The following VPS13B variants were observed in gnomAD, a reference collection of about 807,000 sequenced individuals.
The protein encoded by VPS13B is intermembrane lipid transfer protein VPS13B.
Under a neutral mutation model 426.4 loss-of-function variants are expected in VPS13B, and 285 were observed. That is an observed-to-expected ratio of 0.67 (90% CI 0.61 to 0.74). VPS13B has a LOEUF of 0.74. Ranked by LOEUF, VPS13B falls within the 30% of genes least tolerant of loss-of-function variation. The probability of loss-of-function intolerance (pLI) is 0.00; values close to 1 mark genes in which losing one functional copy is unlikely to be tolerated. For synonymous variants in VPS13B, 1,676 were observed against 1,676.4 expected (o/e 1.00, Z 0.01); for missense variants, 4,537 against 4,782.6 (o/e 0.95, Z 1.51).
chr8:99,597,596 G>A (rs1827082574), intron 33 of VPS13B, among the ~76,000 whole-genome samples: 1 of 151,850 alleles, frequency 6.6e-6, no homozygotes, highest in African/African-American at 2.4e-5. Context: ...CTCCTCCTTG[G>A]AATAACAGTG....
At chr8:99,323,850 T>A (rs1810108934) in intron 19 of VPS13B, among the ~76,000 whole-genome samples, 2 of 152,136 alleles carry the variant, frequency 1.3e-5, no homozygotes, top group Admixed American at 1.3e-4. Flanking sequence ...CTTTATAGAG[T>A]TAGTGATTTA....
chr8:99,053,070 G>A (rs1162140280), intron 3 of VPS13B, among the ~76,000 whole-genome samples: 3 of 151,554 alleles, frequency 2.0e-5, no homozygotes, highest in Non-Finnish European at 2.9e-5. Context: ...CTTGCCTTCT[G>A]CTAGCTTTTG....
intron 39 of VPS13B, among the ~76,000 whole-genome samples, chr8:99,726,646 G>A (rs539192438): frequency 1.0e-3 from 155 of 152,280 alleles, no homozygotes; most frequent in African/African-American, 3.6e-3. Context: ...AGAATACAAT[G>A]ATAAGGGAAC....
chr8:99,429,442 T>C (rs1180755742), intron 21 of VPS13B: 1 of 152,196 alleles, frequency 6.6e-6, no homozygotes, highest in Non-Finnish European at 1.5e-5. Context: ...TATTCTTATC[T>C]TGTCTATTTT....
intron 8 of VPS13B, among the ~76,000 whole-genome samples, chr8:99,123,604 T>C (rs1385637270): frequency 6.6e-6 from 1 of 151,900 alleles, no homozygotes; most frequent in African/African-American, 2.4e-5. Flanking sequence ...GGAAAAGAAA[T>C]AGATAGGAAT....
chr8:99,609,648 A>C (rs1467633219), intron 33 of VPS13B, among the ~76,000 whole-genome samples: 7 of 152,184 alleles, frequency 4.6e-5, no homozygotes, highest in Non-Finnish European at 1.0e-4. Flanking sequence ...ATGCAGCAAA[A>C]ATGTCTTATG....
At chr8:99,322,943 C>T (rs960806885) in intron 19 of VPS13B, among the ~76,000 whole-genome samples, 2 of 152,106 alleles carry the variant, frequency 1.3e-5, no homozygotes, top group African/African-American at 4.8e-5. Flanking sequence ...TAATTTTTAC[C>T]AGAAAAGTAT....
chr8:99,572,355 C>T (rs1402003895), intron 31 of VPS13B, among the ~76,000 whole-genome samples: 1 of 152,098 alleles, frequency 6.6e-6, no homozygotes, highest in Non-Finnish European at 1.5e-5. Context: ...TAGATGTGCA[C>T]AACGTGCAGG....
chr8:99,302,621 T>C (rs1350154624), intron 19 of VPS13B, among the ~76,000 whole-genome samples: 1 of 152,074 alleles, frequency 6.6e-6, no homozygotes, highest in Non-Finnish European at 1.5e-5. Flanking sequence ...GCAATTCTCC[T>C]GCCTCAGCCT....
intron 3 of VPS13B, among the ~76,000 whole-genome samples, chr8:99,089,457 A>G (rs897765071): frequency 6.6e-6 from 1 of 152,178 alleles, no homozygotes; most frequent in African/African-American, 2.4e-5. Context: ...TGTGCATTTT[A>G]TGGAGACATA....
intron 19 of VPS13B, among the ~76,000 whole-genome samples, chr8:99,295,057 A>G (rs1329600458): frequency 6.6e-6 from 1 of 152,212 alleles, no homozygotes; most frequent in Non-Finnish European, 1.5e-5. Flanking sequence ...TTGATCATAT[A>G]TGTAGATGCA....
chr8:99,668,978 C>A (rs1488690419), intron 35 of VPS13B, among the ~76,000 whole-genome samples: 1 of 152,126 alleles, frequency 6.6e-6, no homozygotes, highest in Non-Finnish European at 1.5e-5. Flanking sequence ...CCATTCCCAA[C>A]CAAGGAAAAT....
intron 19 of VPS13B, among the ~76,000 whole-genome samples, chr8:99,309,900 C>T (rs1228395156): frequency 6.6e-6 from 1 of 152,122 alleles, no homozygotes; most frequent in South Asian, 2.1e-4. Context: ...TCCTTCACAT[C>T]CGTTGTAAGA....
chr8:99,473,512 T>G (rs1819523587), intron 24 of VPS13B, among the ~76,000 whole-genome samples: 1 of 152,064 alleles, frequency 6.6e-6, no homozygotes, highest in African/African-American at 2.4e-5. Flanking sequence ...GGAGGTAACA[T>G]TCTCAAACTG....
intron 2 of VPS13B, among the ~76,000 whole-genome samples, chr8:99,035,628 G>A (rs1716119279): frequency 6.6e-6 from 1 of 152,032 alleles, no homozygotes; most frequent in South Asian, 2.1e-4. Context: ...ATGCTGCTTT[G>A]AACATGGGTG....
chr8:99,853,638 C>A lies in VPS13B; in HGVS notation c.10249C>A (p.Leu3417Ile). ...GEEPVAALFELYCVEICCGDL... is the reference protein window; with the variant it reads ...GEEPVAALFEIYCVEICCGDL... ...AGAGCCTGTGGCTGCGTTGTTTGAA[C>A]TTTACTGTGTGGAGATCTGCTGTGG... is the stretch of plus-strand genomic sequence containing the variant. Residue 3417 changes from leucine to isoleucine, a missense_variant, in exon 56 of 62, where the codon CTT becomes ATT. By Grantham distance (5) the Leu-to-Ile change is conservative. Transcript: ENST00000357162. 1 of 1,614,164 alleles carries A rather than the reference C, an allele frequency of 6.2e-7. No individual in the cohort carries two copies. The highest frequency in any genetic ancestry group is 1.1e-5 in the South Asian group (1 of 91,082).
chr8:99,417,685 A>G (rs988729653), intron 21 of VPS13B, among the ~76,000 whole-genome samples: 1 of 152,136 alleles, frequency 6.6e-6, no homozygotes, highest in African/African-American at 2.4e-5. Context: ...TTACTTTGCT[A>G]TTTATAACAA....
chr8:99,761,899 CAT>C (rs1488839401), intron 39 of VPS13B, among the ~76,000 whole-genome samples: 4 of 152,082 alleles, frequency 2.6e-5, no homozygotes, highest in Non-Finnish European at 4.4e-5. Flanking sequence ...TTGATACAGA[CAT>C]AGGATAAATA....
At chr8:99,014,123 T>TTTC (rs1841474167) in intron 2 of VPS13B, among the ~76,000 whole-genome samples, 188 bp downstream of exon 2, 2 of 135,870 alleles carry the variant, frequency 1.5e-5, no homozygotes. Flanking sequence ...TTTTTTTTTT[T>TTTC]TTTTTTTTTT....
Sources: allele counts gnomAD v4.1 joint callset (sites outside exome capture counted in the v4.1 genomes callset), GRCh38; gene constraint gnomAD v4.1.1; transcripts MANE v1.5; gene names NCBI Gene and HGNC (gene_info 2026-07-23, HGNC 2026-07-21).